Variants in ANO10 observed in about 807,000 individuals in gnomAD.
ANO10 encodes the protein anoctamin 10, also known as anoctamin-10.
In ANO10, 77 loss-of-function variants were observed where a neutral mutation model predicts 74.7. That is an observed-to-expected ratio of 1.03 (90% confidence interval 0.86 to 1.25). ANO10 has a LOEUF of 1.25. ANO10 is among the 50% of genes most tolerant of loss of function. The pLI is 0.00. For missense variants in ANO10, 721 were observed against 778.1 expected (o/e 0.93, Z 0.87); for synonymous variants, 279 against 284.9 (o/e 0.98, Z 0.21).
intron 4 of ANO10, among the ~76,000 whole-genome samples, chr3:43,584,863 T>A (rs762587027): frequency 3.3e-5 from 5 of 151,698 alleles, no homozygotes; most frequent in Non-Finnish European, 5.9e-5. Flanking sequence ...ATCTGGGGAG[T>A]GTTTCTCATG....
intron 11 of ANO10, among the ~76,000 whole-genome samples, chr3:43,483,696 T>C (rs1433363844): frequency 1.3e-5 from 2 of 152,052 alleles, no homozygotes. Flanking sequence ...CTTGAGGTGG[T>C]TGGGTTAGTT....
intron 2 of ANO10, among the ~76,000 whole-genome samples, chr3:43,604,367 T>C (rs2082465541): frequency 6.6e-6 from 1 of 152,174 alleles, no homozygotes; most frequent in African/African-American, 2.4e-5. Context: ...TCATTGTGGG[T>C]ATTGTGCAGA....
chr3:43,531,844 G>T (rs1465267538), intron 11 of ANO10, among the ~76,000 whole-genome samples: 2 of 151,676 alleles, frequency 1.3e-5, no homozygotes, highest in Non-Finnish European at 2.9e-5. Context: ...GCAGTGAGCC[G>T]AGATTGGGCC....
intron 11 of ANO10, among the ~76,000 whole-genome samples, chr3:43,539,037 T>C (rs1046591199): frequency 6.6e-6 from 1 of 152,182 alleles, no homozygotes; most frequent in Non-Finnish European, 1.5e-5. Flanking sequence ...TATAAAGTTT[T>C]CATCATGACC....
chr3:43,429,468 A>C (rs906261108), intron 12 of ANO10, among the ~76,000 whole-genome samples: 1 of 152,114 alleles, frequency 6.6e-6, no homozygotes, highest in Non-Finnish European at 1.5e-5. Flanking sequence ...CTAGACCTGG[A>C]GTTAAGATAT....
At chr3:43,564,296 A>T (rs1463054024) in intron 8 of ANO10, among the ~76,000 whole-genome samples, 2 of 152,088 alleles carry the variant, frequency 1.3e-5, no homozygotes, top group Non-Finnish European at 2.9e-5. Context: ...AGCCTCCTAA[A>T]GTGCTGGGAT....
intron 1 of ANO10, among the ~76,000 whole-genome samples, chr3:43,614,778 T>TATATATATATATATATATATATGAAG (rs2083006399): frequency 8.2e-6 from 1 of 122,202 alleles, no homozygotes; most frequent in African/African-American, 2.9e-5. Flanking sequence ...AAACTATATA[T>TATATATATATATATATATATATGAAG]ATATATATAT....
chr3:43,398,636 C>T (rs879885618), intron 12 of ANO10, among the ~76,000 whole-genome samples: 6 of 152,170 alleles, frequency 3.9e-5, no homozygotes, highest in East Asian at 1.9e-4. Context: ...AAGACAGAGA[C>T]GGTCCCTGTT....
chr3:43,412,669 T>C (rs960514255), intron 12 of ANO10, among the ~76,000 whole-genome samples: 5 of 152,220 alleles, frequency 3.3e-5, no homozygotes, highest in Non-Finnish European at 7.3e-5. Context: ...CCTGTCTTGT[T>C]TGAACAATGG....
chr3:43,553,415 T>C (rs2079577887), intron 10 of ANO10, among the ~76,000 whole-genome samples: 1 of 152,130 alleles, frequency 6.6e-6, no homozygotes, highest in South Asian at 2.1e-4. Context: ...CCCTCTTTCT[T>C]CTCTCCTTCT....
At chr3:43,571,693 G>T (rs2080728960) in intron 7 of ANO10, among the ~76,000 whole-genome samples, 2 of 151,308 alleles carry the variant, frequency 1.3e-5, no homozygotes, top group East Asian at 3.9e-4. Context: ...TGTGGGGTGG[G>T]GGCAGGGGGG....
intron 12 of ANO10, among the ~76,000 whole-genome samples, chr3:43,378,714 G>C (rs1354788811): frequency 6.6e-6 from 1 of 152,128 alleles, no homozygotes; most frequent in Non-Finnish European, 1.5e-5. Flanking sequence ...GGCTACCCCT[G>C]GGTGATGACG....
intron 1 of ANO10, among the ~76,000 whole-genome samples, chr3:43,633,664 G>C (rs1310068804): frequency 6.6e-6 from 1 of 152,190 alleles, no homozygotes; most frequent in African/African-American, 2.4e-5. Context: ...CAAAGGGGTT[G>C]AAATTTTACC....
intron 1 of ANO10, among the ~76,000 whole-genome samples, chr3:43,684,865 G>A (rs563746600): frequency 6.6e-6 from 1 of 152,272 alleles, no homozygotes; most frequent in South Asian, 2.1e-4. Flanking sequence ...CTCACTCATA[G>A]GTGGGAATTT....
At chr3:43,615,703 G>C (rs1409581681) in intron 1 of ANO10, among the ~76,000 whole-genome samples, 1 of 151,726 alleles carries the variant, frequency 6.6e-6, no homozygotes, top group African/African-American at 2.4e-5. Context: ...GCCCAGGCTG[G>C]AGTGCAGTGG....
intron 7 of ANO10, among the ~76,000 whole-genome samples, chr3:43,572,240 C>T (rs1171316435): frequency 6.6e-6 from 1 of 152,190 alleles, no homozygotes; most frequent in Non-Finnish European, 1.5e-5. Flanking sequence ...ATCAGGACCC[C>T]CCCACCAACA....
chr3:43,542,548 T>C (rs1037656199), intron 11 of ANO10, among the ~76,000 whole-genome samples: 10 of 152,196 alleles, frequency 6.6e-5, no homozygotes, highest in Non-Finnish European at 1.2e-4. Context: ...TAAACTGTTA[T>C]CAATTTTCCA....
chr3:43,656,145 T>C (rs978340796), intron 1 of ANO10, among the ~76,000 whole-genome samples: 2 of 151,782 alleles, frequency 1.3e-5, no homozygotes, highest in African/African-American at 4.8e-5. Context: ...TTACAATCCC[T>C]GAGCTAGACA....
chr3:43,438,154 C>T (rs1268124193), intron 11 of ANO10, among the ~76,000 whole-genome samples: 2 of 152,130 alleles, frequency 1.3e-5, no homozygotes, highest in African/African-American at 2.4e-5. Context: ...CAAGTCACAC[C>T]TAGGTATGAT....
Sources: allele counts gnomAD v4.1 joint callset (sites outside exome capture counted in the v4.1 genomes callset), GRCh38; gene constraint gnomAD v4.1.1; transcripts MANE v1.5; gene names NCBI Gene and HGNC (gene_info 2026-07-23, HGNC 2026-07-21).